TRHDE: variants seen among roughly 807,000 people sequenced by gnomAD.
TRHDE encodes thyrotropin-releasing hormone-degrading ectoenzyme.
A neutral mutation model predicts 125.7 loss-of-function variants in TRHDE; 72 were observed. That is an observed-to-expected ratio of 0.57 (90% confidence interval 0.47 to 0.70). The LOEUF (loss-of-function observed/expected upper bound fraction) is 0.70. Among genes scored for constraint, TRHDE ranks in the 30% least tolerant of loss-of-function variants. The pLI, the probability that TRHDE is intolerant of heterozygous loss-of-function variation, is 0.00. For synonymous variants in TRHDE, 509 were observed against 509.1 expected (o/e 1.00, Z 0.00); for missense variants, 1,110 against 1,327.1 (o/e 0.84, Z 2.54).
At chr12:72,396,359 G>A (rs1872789415) in intron 3 of TRHDE, among the ~76,000 whole-genome samples, 1 of 151,874 alleles carries the variant, frequency 6.6e-6, no homozygotes, top group Admixed American at 6.6e-5. Context: ...GTTTTGCCTG[G>A]GCTCTAAGTT....
chr12:72,286,612 G>A (rs889273944), intron 1 of TRHDE, 69 bp from the exon 2 acceptor site: 120 of 1,386,988 alleles, frequency 8.7e-5, no homozygotes, highest in Non-Finnish European at 1.1e-4. Context: ...ATCAACAGAA[G>A]CATGTAATGT....
chr12:72,622,563 T>G (rs1873097253), intron 15 of TRHDE, among the ~76,000 whole-genome samples: 2 of 152,058 alleles, frequency 1.3e-5, no homozygotes, highest in South Asian at 4.1e-4. Context: ...GCTTGATTTG[T>G]ACAGATGATG....
chr12:72,487,583 A>G (rs1193304497), intron 5 of TRHDE, among the ~76,000 whole-genome samples: 1 of 152,158 alleles, frequency 6.6e-6, no homozygotes, highest in Non-Finnish European at 1.5e-5. Context: ...AGTATTTCTC[A>G]GACAAGCAAA....
At chr12:72,592,730 G>T in intron 12 of TRHDE, among the ~76,000 whole-genome samples, 1 of 148,758 alleles carries the variant, frequency 6.7e-6, no homozygotes, top group Non-Finnish European at 1.5e-5. Context: ...TCTTCTTTGA[G>T]ATGAAGTCTC....
intron 3 of TRHDE, among the ~76,000 whole-genome samples, chr12:72,436,591 C>G (rs1874756780): frequency 6.6e-6 from 1 of 151,846 alleles, no homozygotes; most frequent in African/African-American, 2.4e-5. Context: ...AGGTCAGGCC[C>G]AGTGATAAGA....
At chr12:72,193,901 A>G (rs1348733065) in intron 2 of TRHDE, among the ~76,000 whole-genome samples, 1 of 152,120 alleles carries the variant, frequency 6.6e-6, no homozygotes. Context: ...AGTAGCTTAC[A>G]TGTAACATCT....
In TRHDE at chr12:72,430,407, ATATGTG is replaced by A. The variant is rs1164776020; in HGVS notation, c.1316-39350_1316-39345del. Among the ~76,000 whole-genome samples the A allele has an allele frequency of 5.3e-4, 77 of 146,494 alleles. 1 individual carries two copies. The highest frequency in any genetic ancestry group is 1.9e-3 in the African/African-American group (76 of 39,896). On this transcript the variant is annotated intron_variant, in intron 3 of 18. Transcript: ENST00000261180. The stretch of plus-strand genomic sequence containing the variant: ...TGTATATATATACACACACGTATAT[ATATGTG>A]CATATATATACATGTATATATATAC...
intron 15 of TRHDE, among the ~76,000 whole-genome samples, chr12:72,649,931 C>T (rs1473495599): frequency 2.0e-5 from 3 of 151,958 alleles, no homozygotes; most frequent in East Asian, 1.9e-4. Flanking sequence ...ACTGCTTATG[C>T]GAATGCAAAA....
chr12:72,333,776 T>C (rs1869708708), intron 2 of TRHDE, among the ~76,000 whole-genome samples: 1 of 152,256 alleles, frequency 6.6e-6, no homozygotes, highest in South Asian at 2.1e-4. Flanking sequence ...AGTGTTATTT[T>C]GAACCTTGGT....
At chr12:72,305,403 G>C (rs184415876) in intron 2 of TRHDE, among the ~76,000 whole-genome samples, 21 of 152,322 alleles carry the variant, frequency 1.4e-4, no homozygotes, top group Non-Finnish European at 2.4e-4. Flanking sequence ...GAACATTGCT[G>C]TTGCTCATGG....
intron 2 of TRHDE, among the ~76,000 whole-genome samples, chr12:72,224,508 G>C (rs1163215968): frequency 2.6e-5 from 4 of 151,970 alleles, no homozygotes; most frequent in African/African-American, 9.7e-5. Flanking sequence ...TTTTTTGCTT[G>C]GAATTTGGTT....
At chr12:72,466,952 A>G (rs1275800278) in intron 3 of TRHDE, among the ~76,000 whole-genome samples, 1 of 152,210 alleles carries the variant, frequency 6.6e-6, no homozygotes, top group Non-Finnish European at 1.5e-5. Context: ...AAGCACCATG[A>G]CGATAGAGAG....
chr12:72,593,839 A>G (rs1219371357), intron 12 of TRHDE, among the ~76,000 whole-genome samples: 9 of 152,246 alleles, frequency 5.9e-5, no homozygotes, highest in Non-Finnish European at 1.0e-4. Context: ...TGCAAAGGAC[A>G]TGAACTCATC....
chr12:72,102,898 C>T (rs1452299349), intron 1 of TRHDE, among the ~76,000 whole-genome samples: 1 of 152,238 alleles, frequency 6.6e-6, no homozygotes, highest in Non-Finnish European at 1.5e-5. Flanking sequence ...AGAGAACCAC[C>T]TGCTCACCGA....
intron 2 of TRHDE, among the ~76,000 whole-genome samples, chr12:72,164,286 C>G (rs1030518745): frequency 6.6e-6 from 1 of 152,086 alleles, no homozygotes; most frequent in Non-Finnish European, 1.5e-5. Context: ...GTAATGAAGG[C>G]CAACTCTGGC....
At chr12:72,237,612 T>G (rs1003274801) in intron 2 of TRHDE, among the ~76,000 whole-genome samples, 1 of 152,166 alleles carries the variant, frequency 6.6e-6, no homozygotes, top group African/African-American at 2.4e-5. Context: ...ATCTGATGGT[T>G]TAAAAATGAC....
At chr12:72,262,636 T>C (rs1466893923) in intron 2 of TRHDE, 1 of 152,168 alleles carries the variant, frequency 6.6e-6, no homozygotes, top group African/African-American at 2.4e-5. Context: ...TACAGATAGA[T>C]ATAAAGACAT....
At chr12:72,293,427 G>A (rs1397452641) in intron 2 of TRHDE, among the ~76,000 whole-genome samples, 1 of 152,142 alleles carries the variant, frequency 6.6e-6, no homozygotes, top group African/African-American at 2.4e-5. Flanking sequence ...ATTACAGATG[G>A]ACCTAGGGCT....
At chr12:72,387,178 G>T (rs545435036) in intron 3 of TRHDE, among the ~76,000 whole-genome samples, 2 of 152,148 alleles carry the variant, frequency 1.3e-5, no homozygotes, top group Admixed American at 6.5e-5. Flanking sequence ...ATATTAAATT[G>T]GCATGTTTAA....
Sources: gnomAD v4.1 joint callset for allele counts (sites outside exome capture counted in the v4.1 genomes callset) on GRCh38, gnomAD v4.1.1 for gene constraint, MANE v1.5 for transcripts, NCBI Gene and HGNC (gene_info 2026-07-23, HGNC 2026-07-21) for gene names.